ABCC6: variants seen among roughly 807,000 people sequenced by gnomAD.
The protein encoded by ABCC6 is ATP-binding cassette sub-family C member 6.
In ABCC6, 126 loss-of-function variants were observed where a neutral mutation model predicts 169.5. That is an observed-to-expected ratio of 0.74 (90% CI 0.64 to 0.86). ABCC6 has a LOEUF of 0.86. Among genes scored for constraint, ABCC6 ranks in the 40% least tolerant of loss-of-function variants. The probability of loss-of-function intolerance (pLI) is 0.00; values close to 1 mark genes in which losing one functional copy is unlikely to be tolerated. For synonymous variants in ABCC6, 752 were observed against 814.7 expected (o/e 0.92, Z 1.31); for missense variants, 1,733 against 1,927.2 (o/e 0.90, Z 1.89).
Position 16,188,909 on chromosome 16 carries a change from G to C in ABCC6, c.1701C>G (p.Ala567=), listed in dbSNP as rs376767639. The part of the protein sequence containing the change: ...VAENAMNAEK[A]FVTLTVLNIL... ...TGTTGAGAACTGTGAGAGTCACAAA[G>C]GCTTTCTCTGCATTCATAGCATTCT... Residue 567 remains alanine (A), a synonymous_variant, in exon 13 of 31, where the codon GCC becomes GCG. Transcript: ENST00000205557. 6.2e-7 allele frequency: 1 copy of C among 1,614,012 alleles called. No individual in the cohort carries two copies. Among genetic ancestry groups the C allele is most frequent in the Non-Finnish European group, 8.5e-7 (1 of 1,179,998 alleles).
chr16:16,212,736 A>T (rs1383112798), intron 5 of ABCC6, among the ~76,000 whole-genome samples: 1 of 152,030 alleles, frequency 6.6e-6, no homozygotes, highest in Non-Finnish European at 1.5e-5. Context: ...AGGCCTGACA[A>T]TGTCCACAAG....
chr16:16,221,333 A>C, intron 2 of ABCC6: 1 of 1,391,044 alleles, frequency 7.2e-7, no homozygotes, highest in Non-Finnish European at 9.3e-7. Context: ...CTCTAAAATT[A>C]CCTTGTGTAT....
chr16:16,172,047 A>AGTAG (rs1555510983), intron 21 of ABCC6, among the ~76,000 whole-genome samples: 55 of 68,630 alleles, frequency 8.0e-4, no homozygotes, highest in East Asian at 1.6e-3. Flanking sequence ...TGCATAAATG[A>AGTAG]GTGGGATGGA....
intron 21 of ABCC6, chr16:16,173,062 T>G: frequency 1.6e-6 from 1 of 636,896 alleles, no homozygotes; most frequent in Non-Finnish European, 2.7e-6. Context: ...TAAAATAAAT[T>G]TTAAAAGAAT....
intron 14 of ABCC6, 31 bp from the exon 15 acceptor site, chr16:16,185,065 A>G (rs769694310): frequency 6.2e-7 from 1 of 1,600,794 alleles, no homozygotes; most frequent in South Asian, 1.1e-5. Flanking sequence ...TTTACAGGAG[A>G]CCCCTGACCT....
At position 16,203,619 on chromosome 16, in the gene ABCC6, G is replaced by C; in HGVS notation, c.795-6C>G. The C allele has an allele frequency of 6.2e-7, 1 of 1,613,998 alleles. No individual in the cohort carries two copies. Among genetic ancestry groups the C allele is most frequent in the Non-Finnish European group, 8.5e-7 (1 of 1,179,852 alleles). ...ATGCTATTGCCTTGTTGTGCCTGAG[G>C]GGAAGGGAGAGATTAGCTCTGGGTC... On this transcript the variant is annotated splice_region_variant and splice_polypyrimidine_tract_variant and intron_variant, in intron 7 of 30. Transcript: ENST00000205557.
At chr16:16,157,865 G>A in intron 26 of ABCC6, 56 bp from the exon 27 acceptor site, 8 of 1,567,022 alleles carry the variant, frequency 5.1e-6, no homozygotes, top group Non-Finnish European at 6.9e-6. Flanking sequence ...CTTCACACAA[G>A]ATGGCCCACC....
chr16:16,196,527 T>C (rs1236914607), intron 10 of ABCC6, among the ~76,000 whole-genome samples: 1 of 152,210 alleles, frequency 6.6e-6, no homozygotes, highest in African/African-American at 2.4e-5. Context: ...GCTCGTTTAA[T>C]GCCTCAGCCC....
At chr16:16,153,106 T>C (rs1458043306) in intron 29 of ABCC6, among the ~76,000 whole-genome samples, 1 of 152,084 alleles carries the variant, frequency 6.6e-6, no homozygotes, top group African/African-American at 2.4e-5. Context: ...GGCTTCACCA[T>C]ATTGGTCAGG....
chr16:16,215,298 G>A (rs2152296528), intron 4 of ABCC6, among the ~76,000 whole-genome samples: 1 of 152,266 alleles, frequency 6.6e-6, no homozygotes, highest in African/African-American at 2.4e-5. Context: ...TCAAGGACAC[G>A]CAGATGATCT....
At chr16:16,174,577 C>A (rs1038253251) in intron 20 of ABCC6, among the ~76,000 whole-genome samples, 2 of 151,818 alleles carry the variant, frequency 1.3e-5, no homozygotes, top group African/African-American at 2.4e-5. Context: ...GACAACATGG[C>A]AAAACCCTGT....
intron 5 of ABCC6, among the ~76,000 whole-genome samples, chr16:16,212,895 G>A (rs980402054): frequency 6.6e-5 from 10 of 151,950 alleles, no homozygotes; most frequent in African/African-American, 1.2e-4. Flanking sequence ...CAGACCTGTC[G>A]TGCGATTTTT....
intron 29 of ABCC6, among the ~76,000 whole-genome samples, chr16:16,153,013 C>T (rs753533891): frequency 5.9e-5 from 9 of 152,078 alleles, no homozygotes; most frequent in Non-Finnish European, 1.0e-4. Context: ...TCTCCTGTCT[C>T]AGTGTCTTAG....
chr16:16,153,976 T>G lies in ABCC6; in HGVS notation c.4208+652A>C, dbSNP rs186680420. 3.4e-3 allele frequency among the ~76,000 whole-genome samples: 513 copies of G among 151,984 alleles called. 3 individuals carry two copies. The highest frequency in any genetic ancestry group is 5.4e-3 in the South Asian group (26 of 4,796). ...GTGTATCTTTCCACACAGCTTTTTG[T>G]TGTTGAGACGAAGCCCAGGATGGAG... On this transcript the variant is annotated intron_variant, in intron 29 of 30. Transcript: ENST00000205557.
chr16:16,203,282 A>T (rs2048299706), intron 8 of ABCC6, 128 bp downstream of exon 8: 1 of 1,506,878 alleles, frequency 6.6e-7, no homozygotes, highest in East Asian at 2.3e-5. Context: ...TGTCCTTCTC[A>T]CCCACCATCC....
chr16:16,187,635 C>T (rs2047691726), intron 13 of ABCC6, among the ~76,000 whole-genome samples: 1 of 152,174 alleles, frequency 6.6e-6, no homozygotes, highest in African/African-American at 2.4e-5. Flanking sequence ...CGGCTCATGC[C>T]GGTAATCCCA....
chr16:16,174,438 G>C (rs74246638), intron 20 of ABCC6, among the ~76,000 whole-genome samples: 1 of 152,132 alleles, frequency 6.6e-6, no homozygotes, highest in Non-Finnish European at 1.5e-5. Context: ...GGGACTGCCC[G>C]ATGTGCGGAT....
At chr16:16,187,352 G>T in intron 13 of ABCC6, 141 bp from the exon 14 acceptor site, 1 of 736,922 alleles carries the variant, frequency 1.4e-6, no homozygotes, top group Non-Finnish European at 2.4e-6. Flanking sequence ...AAGCTTTCTA[G>T]TTCATGGGAA....
rs63751262 is a variant in ABCC6, at chr16:16,150,728, C to T, written c.4253G>A (p.Arg1418Gln). Residue 1418 changes from arginine to glutamine, a missense_variant, in exon 30 of 31, where the codon CGG becomes CAG. Physicochemically the swap from Arg to Gln is conservative, Grantham distance 43. This residue lies in a region of ABCC6 where 1,601 missense variants were observed against 1,635.5 expected (regional missense o/e 0.98). Transcript: ENST00000205557. The part of the protein sequence containing the change: ...QLLCLARALL[R>Q]KTQILILDEA... Reference sequence around the variant, plus strand: ...GTCCAGGATGAGGATCTGGGTCTTCCGGAGAAGGGCACGTGCCAGACACAG... The same window carrying T: ...GTCCAGGATGAGGATCTGGGTCTTCTGGAGAAGGGCACGTGCCAGACACAG... The T allele has an allele frequency of 2.4e-5, 38 of 1,613,736 alleles. No homozygotes were observed. Among genetic ancestry groups the T allele is most frequent in the African/African-American group, 4.0e-5 (3 of 74,948 alleles).
Sources: gnomAD v4.1 joint callset for allele counts (sites outside exome capture counted in the v4.1 genomes callset) on GRCh38, gnomAD v4.1.1 for gene constraint, gnomAD v4.1.1 regional missense constraint, MANE v1.5 for transcripts, NCBI Gene and HGNC (gene_info 2026-07-23, HGNC 2026-07-21) for gene names.